GRK5: variants seen among roughly 807,000 people sequenced by gnomAD.
The protein encoded by GRK5 is G protein-coupled receptor kinase 5.
Under a neutral mutation model 78.4 loss-of-function variants are expected in GRK5, and 40 were observed. The observed-to-expected ratio is 0.51, with a 90% CI of 0.40 to 0.66. The LOEUF is 0.66. Among genes scored for constraint, GRK5 ranks in the 30% least tolerant of loss-of-function variants. GRK5 has a pLI of 0.00. For synonymous variants in GRK5, 289 were observed against 296.8 expected (o/e 0.97, Z 0.27); for missense variants, 598 against 759.9 (o/e 0.79, Z 2.50).
intron 1 of GRK5, among the ~76,000 whole-genome samples, chr10:119,285,220 T>G (rs562259802): frequency 4.0e-4 from 61 of 152,118 alleles, no homozygotes; most frequent in Non-Finnish European, 6.8e-4. Context: ...AGGACAGACT[T>G]TGGTGGAGGT....
rs139496235 is a variant in GRK5 at position 119,209,070 on chromosome 10, A to G, written c.52+1101A>G. 5.5e-3 allele frequency among the ~76,000 whole-genome samples: 834 copies of G among 152,356 alleles called. 26 individuals carry two copies. Among genetic ancestry groups the G allele is most frequent in the Admixed American group, 0.044 (671 of 15,302 alleles). On this transcript the variant is annotated intron_variant, in intron 1 of 15. Coordinates refer to ENST00000392870, the MANE Select transcript of GRK5 (RefSeq NM_005308.3). ...TAGAAGGATACTCGGTGAGCAGCCC[A>G]TGAAAATGTCTTACCTGCTTAATAT... is the stretch of plus-strand genomic sequence containing the variant.
At chr10:119,390,906 T>A (rs1307983818) in intron 3 of GRK5, among the ~76,000 whole-genome samples, 1 of 150,840 alleles carries the variant, frequency 6.6e-6, no homozygotes, top group Non-Finnish European at 1.5e-5. Context: ...GGGGTGCTTA[T>A]CACTTCCCCT....
At chr10:119,231,724 GAAA>G (rs941642401) in intron 1 of GRK5, among the ~76,000 whole-genome samples, 35 of 142,446 alleles carry the variant, frequency 2.5e-4, no homozygotes, top group Admixed American at 1.1e-3. Context: ...AAAAAAAAAA[GAAA>G]AAAAACTCAA....
chr10:119,330,052 A>C (rs772127884), intron 2 of GRK5, among the ~76,000 whole-genome samples: 57 of 151,852 alleles, frequency 3.8e-4, no homozygotes, highest in Middle Eastern at 3.4e-3. Context: ...TAGTAGAGAC[A>C]GGGTTTTGCC....
chr10:119,247,492 A>G (rs1415099729), intron 1 of GRK5, among the ~76,000 whole-genome samples: 1 of 152,194 alleles, frequency 6.6e-6, no homozygotes, highest in Non-Finnish European at 1.5e-5. Flanking sequence ...GAAACCCTTG[A>G]AGGCTTTGTT....
In GRK5 at chr10:119,454,982, C is replaced by A. The variant is rs750629477; in HGVS notation, c.1688C>A (p.Ser563Tyr). 4.3e-6 allele frequency: 7 copies of A among 1,610,960 alleles called. No homozygotes were observed. Among genetic ancestry groups the A allele is most frequent in the Non-Finnish European group, 5.9e-6 (7 of 1,177,344 alleles). The stretch of plus-strand genomic sequence containing the variant: ...CCCCAACCCCAGCATCAGAACAATT[C>A]CAAGAGTTCGCCCAGCTCCAAGACC... ...RLFKRQHQNN[S>Y]KSSPSSKTSF... The change falls in exon 16 of 16, where the codon TCC becomes TAC. Residue 563 changes from serine to tyrosine, a missense_variant. By Grantham distance (144) the Ser-to-Tyr change is moderately radical (BLOSUM62 -2). Coordinates refer to ENST00000392870, the MANE Select transcript of GRK5 (RefSeq NM_005308.3).
At chr10:119,266,546 CCTTCATAA>C (rs1849501590) in intron 1 of GRK5, among the ~76,000 whole-genome samples, 1 of 152,050 alleles carries the variant, frequency 6.6e-6, no homozygotes, top group Non-Finnish European at 1.5e-5. Context: ...CTTTTCCTTC[CCTTCATAA>C]CTTGGGTGTT....
At chr10:119,429,065 C>T (rs1852761814) in intron 6 of GRK5, among the ~76,000 whole-genome samples, 1 of 152,222 alleles carries the variant, frequency 6.6e-6, no homozygotes, top group African/African-American at 2.4e-5. Context: ...TGTGGCAGCT[C>T]TTCCCTTTGG....
chr10:119,248,694 A>G (rs566458129), intron 1 of GRK5, among the ~76,000 whole-genome samples: 87 of 151,918 alleles, frequency 5.7e-4, no homozygotes, highest in Admixed American at 1.8e-3. Context: ...TGATTTTTTC[A>G]TTTTTAAATG....
At chr10:119,388,104 C>T (rs1851830240) in intron 3 of GRK5, among the ~76,000 whole-genome samples, 1 of 152,028 alleles carries the variant, frequency 6.6e-6, no homozygotes, top group Non-Finnish European at 1.5e-5. Context: ...AGGCGCAGGC[C>T]ACCATGCCTG....
At chr10:119,364,515 G>A (rs1355906143) in intron 2 of GRK5, among the ~76,000 whole-genome samples, 1 of 152,150 alleles carries the variant, frequency 6.6e-6, no homozygotes, top group South Asian at 2.1e-4. Flanking sequence ...TTGTAGGTCC[G>A]TGTTTGTCAG....
At chr10:119,284,608 G>T in intron 1 of GRK5, among the ~76,000 whole-genome samples, 1 of 152,252 alleles carries the variant, frequency 6.6e-6, no homozygotes, top group East Asian at 1.9e-4. Flanking sequence ...CTCAGCTTCT[G>T]TGTCCAGGGG....
At chr10:119,360,810 C>T (rs1851351213) in intron 2 of GRK5, among the ~76,000 whole-genome samples, 1 of 152,172 alleles carries the variant, frequency 6.6e-6, no homozygotes, top group Non-Finnish European at 1.5e-5. Flanking sequence ...TGCTCTGTTC[C>T]CAGGCCCTGT....
At chr10:119,386,134 T>G (rs887581246) in intron 3 of GRK5, among the ~76,000 whole-genome samples, 1 of 152,196 alleles carries the variant, frequency 6.6e-6, no homozygotes, top group Non-Finnish European at 1.5e-5. Context: ...ATCTGCCTGC[T>G]TTGGCCTCCC....
At chr10:119,380,090 G>A (rs955776226) in intron 2 of GRK5, among the ~76,000 whole-genome samples, 12 of 152,160 alleles carry the variant, frequency 7.9e-5, no homozygotes. Context: ...GGGCAAAAAT[G>A]ATTTTTAAAA....
intron 2 of GRK5, among the ~76,000 whole-genome samples, chr10:119,345,262 C>T (rs910324114): frequency 1.3e-5 from 2 of 152,194 alleles, no homozygotes; most frequent in African/African-American, 4.8e-5. Flanking sequence ...GCCACCGCGC[C>T]CGGCCACAGA....
At chr10:119,424,004 T>C (rs1230812325) in intron 5 of GRK5, among the ~76,000 whole-genome samples, 1 of 152,130 alleles carries the variant, frequency 6.6e-6, no homozygotes, top group African/African-American at 2.4e-5. Flanking sequence ...CTGGCTTTCA[T>C]GGAGTTTTTA....
chr10:119,423,271 G>A lies in GRK5; in HGVS notation c.440+5G>A, dbSNP rs1481799211. On this transcript the variant is annotated splice_donor_5th_base_variant and intron_variant, in intron 5 of 15. Transcript: ENST00000392870. Reference sequence around the variant, plus strand: ...ACTCTTTTCTGCCTGTGCACAGTAAGTGCCGTAGTCACCTGGCCTGTCCTC... The same window carrying A: ...ACTCTTTTCTGCCTGTGCACAGTAAATGCCGTAGTCACCTGGCCTGTCCTC... The A allele has an allele frequency of 6.2e-7, 1 of 1,605,748 alleles. No homozygotes were observed. The highest frequency in any genetic ancestry group is 8.5e-7 in the Non-Finnish European group (1 of 1,172,454).
chr10:119,439,611 T>G, intron 9 of GRK5, 120 bp from the exon 10 acceptor site: 2 of 787,004 alleles, frequency 2.5e-6, no homozygotes, highest in Non-Finnish European at 2.1e-6. Flanking sequence ...AGCCAGGAGG[T>G]GGGAAGGAAA....
Sources: allele counts gnomAD v4.1 joint callset (sites outside exome capture counted in the v4.1 genomes callset), GRCh38; gene constraint gnomAD v4.1.1; transcripts MANE v1.5; gene names NCBI Gene and HGNC (gene_info 2026-07-23, HGNC 2026-07-21).